LAMB4: variants seen among roughly 807,000 people sequenced by gnomAD.
The protein encoded by LAMB4 is laminin subunit beta-4.
A neutral mutation model predicts 199.2 loss-of-function variants in LAMB4; 196 were observed. The ratio of observed to expected loss-of-function variants is 0.98; its 90% confidence interval spans 0.88 to 1.11. The LOEUF (loss-of-function observed/expected upper bound fraction) is 1.11. Ranked by LOEUF, LAMB4 falls within the 50% of genes least tolerant of loss-of-function variation. The probability of loss-of-function intolerance (pLI) is 0.00; values close to 1 mark genes in which losing one functional copy is unlikely to be tolerated. For synonymous variants in LAMB4, 744 were observed against 770.6 expected, an observed-to-expected ratio of 0.97 and a Z score of 0.57; for missense variants, 2,080 against 2,171.2, an observed-to-expected ratio of 0.96 and a Z score of 0.83.
chr7:108,047,886 TAAAG>T lies in LAMB4; in HGVS notation c.4326+18_4326+21del. ...TTCTTTATTGCTATAACTTTACAAA[TAAAG>T]CAAGAGAAGATATTTACCTGATTTT... On this transcript the variant is annotated intron_variant, in intron 28 of 33. Transcript: ENST00000388781. 6.3e-7 allele frequency: 1 copy of T among 1,593,502 alleles called. No homozygotes were observed. Among genetic ancestry groups the T allele is most frequent in the Non-Finnish European group, 8.6e-7 (1 of 1,161,282 alleles).
In LAMB4 at chr7:108,123,198, C is replaced by T. The variant is rs1347167084; in HGVS notation, c.-33-1G>A. The T allele has an allele frequency of 1.9e-6, 3 of 1,581,970 alleles. No homozygotes were observed. Among genetic ancestry groups the T allele is most frequent in the Non-Finnish European group, 8.6e-7 (1 of 1,161,468 alleles). On this transcript the variant is annotated splice_acceptor_variant, in intron 1 of 33. Coordinates refer to ENST00000388781, the MANE Select transcript of LAMB4 (RefSeq NM_007356.3). LOFTEE classifies it low-confidence loss of function (5UTR_SPLICE). ...CAGGAGATGATTAAATTCAATTCTA[C>T]TGGGTTAAAAAAAGGTTAAAGTCAA...
rs767956550 is a variant in LAMB4 at position 108,052,163 on chromosome 7, G to C, written c.3850C>G (p.Leu1284Val). 6 of 1,612,498 alleles carry C rather than the reference G, an allele frequency of 3.7e-6. No individual in the cohort carries two copies. The African/African-American group carries it at 8.0e-5, about 22-fold the overall frequency. The change falls in exon 26 of 34, where the codon CTC becomes GTC. Residue 1284 changes from leucine to valine, a missense_variant. Physicochemically the swap from Leu to Val is conservative, Grantham distance 32. Coordinates refer to ENST00000388781, the MANE Select transcript of LAMB4 (RefSeq NM_007356.3). Reference sequence around the variant, plus strand: ...TCTTCCTGAAGGTCTTCAAGTAAGAGGTCTGCTTCATTCTTTGCTCTTTCT... The same window carrying C: ...TCTTCCTGAAGGTCTTCAAGTAAGACGTCTGCTTCATTCTTTGCTCTTTCT... ...TIERAKNEAD[L>V]LLEDLQEEID...
At chr7:108,126,554 C>CCTTTTTTT (rs780962576) in intron 1 of LAMB4, among the ~76,000 whole-genome samples, 1,246 of 83,574 alleles carry the variant, frequency 0.015, 89 homozygotes, top group African/African-American at 0.059. Flanking sequence ...GAATTTCTTT[C>CCTTTTTTT]TTTTTTTTTT....
chr7:108,100,901 G>A (rs73725333), intron 10 of LAMB4, among the ~76,000 whole-genome samples: 5,702 of 152,194 alleles, frequency 0.037, 342 homozygotes, highest in African/African-American at 0.13. Flanking sequence ...TTTTGAACAG[G>A]TCACGTAAGG....
chr7:108,112,021 G>T, intron 3 of LAMB4, 75 bp from the exon 4 acceptor site: 2 of 1,234,522 alleles, frequency 1.6e-6, no homozygotes, highest in Non-Finnish European at 2.3e-6. Flanking sequence ...AAGGCAAGCT[G>T]TACATACTAT....
chr7:108,026,342 C>T (rs2034837703), intron 33 of LAMB4, among the ~76,000 whole-genome samples: 1 of 152,184 alleles, frequency 6.6e-6, no homozygotes. Context: ...TGTTGCAAGA[C>T]CTCAAGAACC....
At chr7:108,120,289 C>T (rs11979973) in intron 2 of LAMB4, among the ~76,000 whole-genome samples, 2,205 of 152,134 alleles carry the variant, frequency 0.014, 53 homozygotes, top group African/African-American at 0.05. Flanking sequence ...TTGAAAAAAA[C>T]GTGTTATTTC....
chr7:108,100,607 C>T (rs568705440), intron 10 of LAMB4, among the ~76,000 whole-genome samples: 3 of 152,274 alleles, frequency 2.0e-5, no homozygotes, highest in Admixed American at 6.5e-5. Flanking sequence ...CGAGTTAATA[C>T]TCAGTGGTTC....
At position 108,105,548 on chromosome 7, in the gene LAMB4, G is replaced by T. The variant is rs138989133; in HGVS notation, c.870+269C>A. 1.3e-3 allele frequency among the ~76,000 whole-genome samples: 199 copies of T among 152,328 alleles called. 2 individuals are homozygous for T. Among genetic ancestry groups the T allele is most frequent in the Middle Eastern group, 0.01 (3 of 294 alleles). ...GCTCTACAAAATAAATGAAAAGAGG[G>T]CAAGATGAAGTATCTTGAAATCCTA... On this transcript the variant is annotated intron_variant, in intron 8 of 33. Coordinates refer to ENST00000388781, the MANE Select transcript of LAMB4 (RefSeq NM_007356.3).
At chr7:108,126,430 A>G (rs2150706685) in intron 1 of LAMB4, among the ~76,000 whole-genome samples, 1 of 151,966 alleles carries the variant, frequency 6.6e-6, no homozygotes, top group Middle Eastern at 3.4e-3. Context: ...TATGGATTTG[A>G]CTACTCTAAG....
At chr7:108,111,058 T>A (rs1326900288) in intron 4 of LAMB4, among the ~76,000 whole-genome samples, 1 of 152,158 alleles carries the variant, frequency 6.6e-6, no homozygotes, top group Admixed American at 6.5e-5. Context: ...AATGAAATCA[T>A]CTTGTGGGGG....
intron 3 of LAMB4, among the ~76,000 whole-genome samples, chr7:108,115,408 C>A (rs1347724184): frequency 2.6e-5 from 4 of 152,130 alleles, no homozygotes; most frequent in Admixed American, 2.0e-4. Context: ...AGTGGCTTAG[C>A]CTGTAATCCC....
At position 108,076,948 on chromosome 7, in the gene LAMB4, T is replaced by C. The variant is rs762522072; in HGVS notation, c.2120A>G (p.Asp707Gly). The change falls in exon 17 of 34, where the codon GAC becomes GGC. Residue 707 changes from aspartate to glycine, a missense_variant. By Grantham distance (94) the Asp-to-Gly change is moderately conservative (BLOSUM62 -1). Coordinates refer to ENST00000388781, the MANE Select transcript of LAMB4 (RefSeq NM_007356.3). Reference sequence around the variant, plus strand: ...ACAAAACTCTGTGATACTTACAGAGTCCACCAGGACATGTGAATGAGCGTG... The same window carrying C: ...ACAAAACTCTGTGATACTTACAGAGCCCACCAGGACATGTGAATGAGCGTG... ...ESHAHSHVLV[D>G]SLGLIPQINS... 15 of 1,613,852 alleles carry C rather than the reference T, an allele frequency of 9.3e-6. No homozygotes were observed. The South Asian group carries it at 1.6e-4, about 18-fold the overall frequency.
rs1324843539 is a variant in LAMB4 at position 108,043,558 on chromosome 7, T to G, written c.4471+194A>C. On this transcript the variant is annotated intron_variant, in intron 29 of 33. Transcript: ENST00000388781. ...ACTGGCTATGATGTTTTTTTTTTTT[T>G]TTTTTTTTTTTTTTTTTTTTTTTTT... 3.1e-4 allele frequency among the ~76,000 whole-genome samples: 6 copies of G among 19,238 alleles called. 1 individual carries two copies. The highest frequency in any genetic ancestry group is 2.8e-3 in the African/African-American group (4 of 1,440). 12.6% of individuals were successfully genotyped at this position (19,238 alleles called of 152,430 possible).
chr7:108,087,599 G>T (rs918380554), intron 14 of LAMB4, among the ~76,000 whole-genome samples: 5 of 152,166 alleles, frequency 3.3e-5, no homozygotes, highest in African/African-American at 1.2e-4. Context: ...TGAGGAAGTG[G>T]CATCTCTCTG....
At chr7:108,087,323 C>A (rs1434671856) in intron 14 of LAMB4, among the ~76,000 whole-genome samples, 1 of 152,148 alleles carries the variant, frequency 6.6e-6, no homozygotes, top group African/African-American at 2.4e-5. Flanking sequence ...CCATTTTATT[C>A]ACTTGAGAAG....
chr7:108,022,823 T>C (rs1016850537), downstream of LAMB4, among the ~76,000 whole-genome samples: 3 of 152,196 alleles, frequency 2.0e-5, no homozygotes, highest in Non-Finnish European at 4.4e-5. Context: ...TTGTTTGTTT[T>C]GTTTTTTGAG....
chr7:108,114,869 C>T (rs546368256), intron 3 of LAMB4, among the ~76,000 whole-genome samples: 1 of 152,236 alleles, frequency 6.6e-6, no homozygotes, highest in Non-Finnish European at 1.5e-5. Context: ...GGAAAAGAAA[C>T]CTGAAAAGCC....
rs2038016959 is a variant in LAMB4, at chr7:108,106,506, T to C, written c.655+3A>G. 2.0e-6 allele frequency: 3 copies of C among 1,532,682 alleles called. No individual in the cohort carries two copies. The highest frequency in any genetic ancestry group is 1.4e-5 in the African/African-American group (1 of 72,414). The allele number at this position is 1,532,682 out of a possible 1,614,324, so 94.9% of individuals were successfully genotyped here. A position where few individuals can be genotyped will look rare whatever the true frequency, so the allele number is the denominator to read the frequency against. On this transcript the variant is annotated splice_donor_region_variant and intron_variant, in intron 7 of 33. Coordinates refer to ENST00000388781, the MANE Select transcript of LAMB4 (RefSeq NM_007356.3). ...GATATGAAAAATATAAAGGAATTCA[T>C]ACCTTGGATGTAGGGGCTATAAGGG... is the stretch of plus-strand genomic sequence containing the variant.
Sources: allele counts gnomAD v4.1 joint callset (sites outside exome capture counted in the v4.1 genomes callset), GRCh38; gene constraint gnomAD v4.1.1; transcripts MANE v1.5; gene names NCBI Gene and HGNC (gene_info 2026-07-23, HGNC 2026-07-21).